Variants in EFCAB11 observed in about 807,000 individuals in gnomAD.
EFCAB11 encodes EF-hand calcium-binding domain-containing protein 11.
A neutral mutation model predicts 23.0 loss-of-function variants in EFCAB11; 14 were observed. The observed-to-expected ratio is 0.61, with a 90% CI of 0.40 to 0.95. EFCAB11 has a LOEUF of 0.95. EFCAB11 is among the 40% of genes least tolerant of loss of function. EFCAB11 has a pLI of 0.00. For synonymous variants in EFCAB11, 65 were observed against 66.6 expected (o/e 0.98, Z 0.11); for missense variants, 198 against 195.8 (o/e 1.01, Z -0.07).
At chr14:89,829,614 C>T (rs1886819901) in intron 5 of EFCAB11, among the ~76,000 whole-genome samples, 1 of 152,146 alleles carries the variant, frequency 6.6e-6, no homozygotes, top group African/African-American at 2.4e-5. Flanking sequence ...TTAATACTTC[C>T]ATGCAAGGAA....
rs1891384435 is a variant in EFCAB11, at chr14:89,954,628, C to T, written c.33G>A (p.Arg11=). The change falls in exon 1 of 6, where the codon CGG becomes CGA. Residue 11 remains arginine (R), a synonymous_variant. Coordinates refer to ENST00000316738, the MANE Select transcript of EFCAB11 (RefSeq NM_145231.4). MFFSEARARS[R]TWEASPSEHR... Reference sequence around the variant, plus strand: ...GTTCCGAGGGACTGGCTTCCCACGTCCGCGACCTGGCTCTGGCCTCGGAGA... The same window carrying T: ...GTTCCGAGGGACTGGCTTCCCACGTTCGCGACCTGGCTCTGGCCTCGGAGA... The T allele has an allele frequency of 1.2e-6, 2 of 1,613,476 alleles. No homozygotes were observed. Among genetic ancestry groups the T allele is most frequent in the Non-Finnish European group, 8.5e-7 (1 of 1,179,956 alleles).
At chr14:89,878,887 A>G (rs997364091) in intron 5 of EFCAB11, among the ~76,000 whole-genome samples, 4 of 151,062 alleles carry the variant, frequency 2.6e-5, no homozygotes, top group Non-Finnish European at 4.4e-5. Flanking sequence ...TTCCTTTTTC[A>G]TTCTTTTTTT....
intron 3 of EFCAB11, among the ~76,000 whole-genome samples, chr14:89,939,800 G>A (rs1033610713): frequency 3.9e-5 from 6 of 152,048 alleles, no homozygotes; most frequent in African/African-American, 1.2e-4. Flanking sequence ...GTGCAGTGGC[G>A]GGATCTCAGC....
intron 5 of EFCAB11, among the ~76,000 whole-genome samples, chr14:89,886,792 T>C (rs570740385): frequency 2.6e-5 from 4 of 152,216 alleles, no homozygotes; most frequent in African/African-American, 9.7e-5. Context: ...TCCTGATTTA[T>C]TGCAGTTTTG....
At chr14:89,908,512 T>C (rs981140329) in intron 5 of EFCAB11, among the ~76,000 whole-genome samples, 6 of 152,218 alleles carry the variant, frequency 3.9e-5, no homozygotes, top group Non-Finnish European at 8.8e-5. Context: ...TTGTATAAAA[T>C]TACCTTCAGG....
At chr14:89,808,534 C>T (rs1886048725) in intron 5 of EFCAB11, among the ~76,000 whole-genome samples, 1 of 152,052 alleles carries the variant, frequency 6.6e-6, no homozygotes, top group Non-Finnish European at 1.5e-5. Flanking sequence ...CATCTCAGCC[C>T]ATTTCTCATT....
chr14:89,807,673 A>C (rs1405071401), intron 5 of EFCAB11, among the ~76,000 whole-genome samples: 1 of 152,192 alleles, frequency 6.6e-6, no homozygotes, highest in Non-Finnish European at 1.5e-5. Flanking sequence ...AGAAAATACC[A>C]GTTGTCAAAT....
At chr14:89,889,705 A>T (rs1314994164) in intron 5 of EFCAB11, among the ~76,000 whole-genome samples, 2 of 152,260 alleles carry the variant, frequency 1.3e-5, no homozygotes, top group Admixed American at 6.5e-5. Flanking sequence ...ATTTTGGCAC[A>T]TGCCAGACAG....
intron 5 of EFCAB11, among the ~76,000 whole-genome samples, chr14:89,876,726 C>T (rs766469615): frequency 3.3e-5 from 5 of 152,202 alleles, no homozygotes; most frequent in Non-Finnish European, 7.3e-5. Flanking sequence ...TTCCAATCCC[C>T]GTTTATGCAT....
intron 5 of EFCAB11, among the ~76,000 whole-genome samples, chr14:89,821,840 A>C (rs1199280018): frequency 3.9e-5 from 6 of 152,232 alleles, no homozygotes; most frequent in African/African-American, 1.4e-4. Flanking sequence ...AGCAATAATC[A>C]TGACTTTCTT....
chr14:89,928,746 TATTA>T (rs199617108), intron 5 of EFCAB11, among the ~76,000 whole-genome samples: 27,380 of 146,508 alleles, frequency 0.19, 2,940 homozygotes, highest in South Asian at 0.32. Context: ...TAACTGATTA[TATTA>T]ATTATATAAT....
At chr14:89,909,451 C>T (rs1889594689) in intron 5 of EFCAB11, among the ~76,000 whole-genome samples, 1 of 152,142 alleles carries the variant, frequency 6.6e-6, no homozygotes, top group Non-Finnish European at 1.5e-5. Flanking sequence ...TGGTGGCATG[C>T]ACCTGTAATC....
intron 3 of EFCAB11, among the ~76,000 whole-genome samples, chr14:89,935,255 A>G (rs938277560): frequency 1.3e-4 from 20 of 152,190 alleles, no homozygotes; most frequent in Non-Finnish European, 2.9e-5. Context: ...TAGTGTTCTC[A>G]AAATTTTATC....
rs147700288 is a variant in EFCAB11 at position 89,824,332 on chromosome 14, C to T, written c.411-27008G>A. The stretch of plus-strand genomic sequence containing the variant: ...TAAAATAGAAACATTTTCAGACAAA[C>T]AGAAACTGATAAAAATTTGTGGCCA... On this transcript the variant is annotated intron_variant, in intron 5 of 5. Transcript: ENST00000316738. Among the ~76,000 whole-genome samples the T allele has an allele frequency of 4.5e-3, 680 of 151,886 alleles. 7 individuals carry two copies. Among genetic ancestry groups the T allele is most frequent in the African/African-American group, 0.016 (652 of 41,468 alleles).
intron 3 of EFCAB11, among the ~76,000 whole-genome samples, chr14:89,935,225 T>C (rs1490555113): frequency 6.6e-6 from 1 of 152,152 alleles, no homozygotes; most frequent in Non-Finnish European, 1.5e-5. Context: ...GCCTGAGACA[T>C]GCTGAGGGAA....
At chr14:89,837,085 G>T (rs1188425469) in intron 5 of EFCAB11, 1 of 456,866 alleles carries the variant, frequency 2.2e-6, no homozygotes. Flanking sequence ...GGCCAGAGGA[G>T]GGGTTTTTAG....
chr14:89,814,183 A>G (rs144893383), intron 5 of EFCAB11, among the ~76,000 whole-genome samples: 2 of 152,034 alleles, frequency 1.3e-5, no homozygotes, highest in Non-Finnish European at 2.9e-5. Context: ...GTACAGAACA[A>G]ATGTCCTGAA....
At chr14:89,808,101 T>G (rs1886030870) in intron 5 of EFCAB11, among the ~76,000 whole-genome samples, 1 of 152,162 alleles carries the variant, frequency 6.6e-6, no homozygotes. Flanking sequence ...AAAATTTACT[T>G]CCCTCTCTTC....
chr14:89,825,574 T>G (rs1251446044), intron 5 of EFCAB11, among the ~76,000 whole-genome samples: 1 of 152,108 alleles, frequency 6.6e-6, no homozygotes, highest in East Asian at 1.9e-4. Context: ...TTGATAGCCC[T>G]GAGCTAGACT....
Sources: gnomAD v4.1 joint callset for allele counts (sites outside exome capture counted in the v4.1 genomes callset) on GRCh38, gnomAD v4.1.1 for gene constraint, MANE v1.5 for transcripts, NCBI Gene and HGNC (gene_info 2026-07-23, HGNC 2026-07-21) for gene names.